Variants in ABR observed in about 807,000 individuals in gnomAD.
ABR encodes ABR activator of RhoGEF and GTPase.
In ABR, 35 loss-of-function variants were observed where a neutral mutation model predicts 107.2. The ratio of observed to expected loss-of-function variants is 0.33; its 90% CI spans 0.25 to 0.43. The LOEUF (loss-of-function observed/expected upper bound fraction) is 0.43, where lower values mean the gene tolerates loss of function less well. Among genes scored for constraint, ABR ranks in the 20% least tolerant of loss-of-function variants. The pLI is 1.00. For synonymous variants in ABR, 498 were observed against 462.0 expected (o/e 1.08, Z -1.00); for missense variants, 815 against 1,115.2 (o/e 0.73, Z 3.83).
rs545475619 is a variant in ABR at position 1,226,679 on chromosome 17, A to C, written c.838+2114T>G. Among the ~76,000 whole-genome samples, 88 of 138,934 alleles carry C rather than the reference A, an allele frequency of 6.3e-4. 1 individual carries two copies. The highest frequency in any genetic ancestry group is 3.9e-3 in the Middle Eastern group (1 of 256). The allele number at this position is 138,934 out of a possible 152,430, so 91.1% of individuals were successfully genotyped here. On this transcript the variant is annotated intron_variant, in intron 1 of 22. Transcript: ENST00000574139. ...GCATGTATGTATGTGACAGTATGCCATGTGTTTACATGTGCAGGTGTGTGT... is the reference window on the plus strand; with the variant it reads ...GCATGTATGTATGTGACAGTATGCCCTGTGTTTACATGTGCAGGTGTGTGT...
rs544114050 is a variant in ABR at position 1,027,677 on chromosome 17, G to A, written c.1792-14513C>T. 6.6e-6 allele frequency among the ~76,000 whole-genome samples: 1 copy of A among 152,082 alleles called. No individual in the cohort carries two copies. Among genetic ancestry groups the A allele is most frequent in the African/African-American group, 2.4e-5 (1 of 41,486 alleles). The stretch of plus-strand genomic sequence containing the variant: ...CATAGGCCCAGGAAGAGGTGGGCTG[G>A]TGTAGGGGCCTCCAGCTCTCGGGGG... On this transcript the variant is annotated intron_variant, in intron 16 of 22. Transcript: ENST00000302538. The surrounding 1 kb of genome is among the most constrained non-coding windows in gnomAD (Gnocchi z 4.7).
intron 1 of ABR, among the ~76,000 whole-genome samples, chr17:1,169,191 G>A (rs1462404886): frequency 6.6e-6 from 1 of 152,250 alleles, no homozygotes; most frequent in East Asian, 1.9e-4. Context: ...CACGCAGGAA[G>A]AGGGTGAGCA....
intron 18 of ABR, 193 bp downstream of exon 18, chr17:1,012,495 C>T (rs1038844276): frequency 1.3e-5 from 9 of 700,994 alleles, no homozygotes; most frequent in East Asian, 5.4e-5. Flanking sequence ...TAGGTGCTGG[C>T]TCGCGTGCTT....
At chr17:1,173,435 T>C (rs966832349) in intron 1 of ABR, among the ~76,000 whole-genome samples, 2 of 138,888 alleles carry the variant, frequency 1.4e-5, no homozygotes, top group Non-Finnish European at 3.1e-5. Flanking sequence ...GGGCGCAGGG[T>C]TGTCTTGAAG....
chr17:1,047,718 G>C (rs12602266), intron 16 of ABR, among the ~76,000 whole-genome samples: 23,296 of 152,252 alleles, frequency 0.15, 2,230 homozygotes, highest in Admixed American at 0.25. Flanking sequence ...TCTGCCTTCT[G>C]CTTTGCCAAA....
intron 16 of ABR, among the ~76,000 whole-genome samples, chr17:1,023,320 C>T (rs968994363): frequency 6.6e-6 from 1 of 152,242 alleles, no homozygotes; most frequent in Non-Finnish European, 1.5e-5. Flanking sequence ...GGAGGCCCCA[C>T]AGCCAGGCAC....
intron 2 of ABR, among the ~76,000 whole-genome samples, chr17:1,108,586 G>C (rs1437003490): frequency 6.6e-6 from 1 of 152,296 alleles, no homozygotes; most frequent in Non-Finnish European, 1.5e-5. Flanking sequence ...TGGCTGGGAA[G>C]AGGGTGGCCC....
At chr17:1,226,424 C>CA (rs1175009369) in intron 1 of ABR, among the ~76,000 whole-genome samples, 12 of 151,348 alleles carry the variant, frequency 7.9e-5, no homozygotes, top group African/African-American at 2.9e-4. Flanking sequence ...TGGCAGTGTG[C>CA]CATGTATATA....
intron 4 of ABR, among the ~76,000 whole-genome samples, chr17:1,088,412 T>C (rs1386043899): frequency 6.6e-6 from 1 of 151,434 alleles, no homozygotes; most frequent in Non-Finnish European, 1.5e-5. Context: ...GAGTGTGGCA[T>C]TCCCTTGGAA....
intron 16 of ABR, among the ~76,000 whole-genome samples, chr17:1,034,057 G>A (rs897872594): frequency 2.7e-5 from 4 of 147,696 alleles, no homozygotes; most frequent in Non-Finnish European, 5.9e-5. Flanking sequence ...TGCAGCCTCC[G>A]CCTCCCCAGC....
intron 2 of ABR, chr17:1,101,410 C>T (rs72814052): frequency 0.017 from 2,628 of 152,338 alleles, 37 homozygotes; most frequent in Non-Finnish European, 0.028. Flanking sequence ...TGTAACATCT[C>T]GTTTTGCTTC....
At chr17:1,196,172 A>G (rs7224396) in intron 1 of ABR, among the ~76,000 whole-genome samples, 148,419 of 149,930 alleles carry the variant, frequency 0.99, 73,537 homozygotes, top group East Asian at 1. Context: ...GCTCACGCCT[A>G]TAATCCCGGC....
chr17:1,174,281 G>A (rs2151610103), intron 1 of ABR, among the ~76,000 whole-genome samples: 1 of 152,346 alleles, frequency 6.6e-6, no homozygotes, highest in East Asian at 1.9e-4. Context: ...TGAAGATTAT[G>A]GGCCGGTGTT....
chr17:1,159,291 GAA>G (rs1402991599), intron 1 of ABR, among the ~76,000 whole-genome samples: 25 of 108,160 alleles, frequency 2.3e-4, no homozygotes, highest in Admixed American at 2.9e-4. Context: ...GGAGAGGTAA[GAA>G]TGCGGTACTC....
At chr17:1,191,360 T>TTC (rs1567878894), upstream of ABR, among the ~76,000 whole-genome samples, 2 of 139,960 alleles carry the variant, frequency 1.4e-5, no homozygotes, top group Non-Finnish European at 1.6e-5. Flanking sequence ...TTTTCTTTTT[T>TTC]TTTTTTTTTT....
At chr17:1,083,748 C>T (rs907308241) in intron 4 of ABR, 121 bp from the exon 5 acceptor site, 17 of 797,888 alleles carry the variant, frequency 2.1e-5, no homozygotes, top group Non-Finnish European at 3.2e-5. Context: ...TCACTCAGCT[C>T]GTTGGGAACT....
intron 1 of ABR, among the ~76,000 whole-genome samples, chr17:1,168,217 T>C (rs932474419): frequency 1.3e-5 from 2 of 150,840 alleles, no homozygotes; most frequent in African/African-American, 4.9e-5. Context: ...ACCCGGGAGG[T>C]GGAAGTTGCA....
intron 6 of ABR, among the ~76,000 whole-genome samples, chr17:1,076,792 C>T (rs1302073469): frequency 6.7e-6 from 1 of 149,614 alleles, no homozygotes; most frequent in African/African-American, 2.5e-5. Flanking sequence ...TAAGAGCGGC[C>T]CTGAAGTTTG....
intron 10 of ABR, 117 bp from the exon 11 acceptor site, chr17:1,058,984 G>C: frequency 1.4e-6 from 2 of 1,456,586 alleles, no homozygotes; most frequent in Non-Finnish European, 1.9e-6. Flanking sequence ...CGTATTTCGT[G>C]ATGTTTTGAC....
Sources: allele counts gnomAD v4.1 joint callset (sites outside exome capture counted in the v4.1 genomes callset), GRCh38; gene constraint gnomAD v4.1.1; non-coding constraint Gnocchi (gnomAD v3.1); transcripts MANE v1.5; gene names NCBI Gene and HGNC (gene_info 2026-07-23, HGNC 2026-07-21).